NDST3: variants seen among roughly 807,000 people sequenced by gnomAD.
NDST3 encodes N-deacetylase and N-sulfotransferase 3, also known as bifunctional heparan sulfate N-deacetylase/N-sulfotransferase 3.
In NDST3, 58 loss-of-function variants were observed where a neutral mutation model predicts 96.1. The observed-to-expected ratio is 0.60, with a 90% confidence interval of 0.49 to 0.75. NDST3 has a LOEUF of 0.75. Among genes scored for constraint, NDST3 ranks in the 30% least tolerant of loss-of-function variants. The probability of loss-of-function intolerance (pLI) is 0.00; values close to 1 mark genes in which losing one functional copy is unlikely to be tolerated. For synonymous variants in NDST3, 333 were observed against 359.7 expected (o/e 0.93, Z 0.84); for missense variants, 788 against 1,034.2 (o/e 0.76, Z 3.27).
At chr4:118,128,418 G>C (rs1263029346) in intron 4 of NDST3, among the ~76,000 whole-genome samples, 1 of 151,920 alleles carries the variant, frequency 6.6e-6, no homozygotes, top group African/African-American at 2.4e-5. Flanking sequence ...TTTATCAAAT[G>C]CTTTTTCAGC....
At chr4:118,116,259 T>C (rs747594552) in intron 4 of NDST3, among the ~76,000 whole-genome samples, 38 of 152,180 alleles carry the variant, frequency 2.5e-4, no homozygotes, top group Non-Finnish European at 4.4e-4. Flanking sequence ...GGTTTACTTC[T>C]AAATCTGTTG....
intron 3 of NDST3, among the ~76,000 whole-genome samples, chr4:118,109,616 G>A (rs1281272476): frequency 6.6e-6 from 1 of 152,176 alleles, no homozygotes; most frequent in Non-Finnish European, 1.5e-5. Flanking sequence ...TATAATATGA[G>A]AGTTTCCACA....
intron 12 of NDST3, among the ~76,000 whole-genome samples, chr4:118,245,871 G>A (rs1216071008): frequency 6.6e-6 from 1 of 152,010 alleles, no homozygotes; most frequent in Non-Finnish European, 1.5e-5. Context: ...GCACAGGAAA[G>A]TTAAGCCAAA....
At chr4:118,196,729 T>C (rs1231430325) in intron 6 of NDST3, among the ~76,000 whole-genome samples, 3 of 152,004 alleles carry the variant, frequency 2.0e-5, no homozygotes, top group Non-Finnish European at 4.4e-5. Flanking sequence ...TATTTGGATC[T>C]TCTTTTTTTT....
intron 6 of NDST3, among the ~76,000 whole-genome samples, chr4:118,149,070 T>C (rs571518294): frequency 2.6e-5 from 4 of 152,240 alleles, no homozygotes; most frequent in African/African-American, 7.2e-5. Context: ...GTTGTAGATA[T>C]GCAGCATTAT....
chr4:118,051,393 A>G (rs2110441789), intron 1 of NDST3, among the ~76,000 whole-genome samples: 1 of 152,278 alleles, frequency 6.6e-6, no homozygotes, highest in Non-Finnish European at 1.5e-5. Context: ...CAATGAAAAC[A>G]AAAGTTGACT....
intron 1 of NDST3, among the ~76,000 whole-genome samples, chr4:118,038,526 T>C (rs1471244397): frequency 2.6e-5 from 4 of 152,184 alleles, no homozygotes; most frequent in Admixed American, 2.6e-4. Context: ...TCATACTCCA[T>C]GTAAATCAGC....
At chr4:118,232,542 A>C (rs899103705) in intron 8 of NDST3, among the ~76,000 whole-genome samples, 1 of 152,012 alleles carries the variant, frequency 6.6e-6, no homozygotes, top group South Asian at 2.1e-4. Context: ...TGGGAGGCTC[A>C]GACAGGAGGA....
chr4:118,071,752 C>T (rs1011858038), intron 2 of NDST3, among the ~76,000 whole-genome samples: 1 of 152,032 alleles, frequency 6.6e-6, no homozygotes, highest in Non-Finnish European at 1.5e-5. Context: ...TAAGGTAGAA[C>T]AATTTATATT....
intron 6 of NDST3, among the ~76,000 whole-genome samples, chr4:118,170,272 A>C (rs1247918259): frequency 6.6e-6 from 1 of 152,242 alleles, no homozygotes; most frequent in Non-Finnish European, 1.5e-5. Context: ...ATGATACTGA[A>C]TTAATAACCA....
At chr4:118,247,880 T>C (rs2126011030) in intron 12 of NDST3, among the ~76,000 whole-genome samples, 1 of 152,320 alleles carries the variant, frequency 6.6e-6, no homozygotes, top group East Asian at 1.9e-4. Context: ...AATATCTAAA[T>C]GATGGTATTT....
chr4:118,147,813 G>C (rs942006250), intron 6 of NDST3, among the ~76,000 whole-genome samples: 1 of 151,988 alleles, frequency 6.6e-6, no homozygotes, highest in Admixed American at 6.5e-5. Flanking sequence ...TCACTTTTTT[G>C]CTTCAGGGTT....
chr4:118,107,479 T>G (rs144889660), intron 3 of NDST3, among the ~76,000 whole-genome samples: 18 of 152,046 alleles, frequency 1.2e-4, no homozygotes, highest in Admixed American at 1.2e-3. Flanking sequence ...ATAAACCATA[T>G]AGAAAAAGCT....
intron 4 of NDST3, among the ~76,000 whole-genome samples, chr4:118,134,898 C>T (rs1453518999): frequency 6.6e-6 from 1 of 152,142 alleles, no homozygotes; most frequent in African/African-American, 2.4e-5. Context: ...AATGAAAAGA[C>T]TAATTAGAAT....
chr4:118,064,274 C>G (rs1315560409), intron 2 of NDST3, among the ~76,000 whole-genome samples: 1 of 151,960 alleles, frequency 6.6e-6, no homozygotes, highest in Non-Finnish European at 1.5e-5. Context: ...TTAAAGCACA[C>G]AAACAAAATA....
intron 6 of NDST3, among the ~76,000 whole-genome samples, chr4:118,153,234 G>A (rs1734515699): frequency 6.6e-6 from 1 of 152,106 alleles, no homozygotes; most frequent in African/African-American, 2.4e-5. Context: ...GATGGGACCA[G>A]CTAATTTTAT....
intron 6 of NDST3, among the ~76,000 whole-genome samples, chr4:118,168,953 T>C (rs1735737753): frequency 6.6e-6 from 1 of 152,162 alleles, no homozygotes; most frequent in Non-Finnish European, 1.5e-5. Context: ...AGTAGATTTA[T>C]GATTGCCAGG....
intron 2 of NDST3, among the ~76,000 whole-genome samples, chr4:118,060,452 G>A (rs917585444): frequency 1.3e-5 from 2 of 151,940 alleles, no homozygotes; most frequent in Non-Finnish European, 2.9e-5. Context: ...TCTTTGCACT[G>A]TAAATTAGCT....
intron 4 of NDST3, among the ~76,000 whole-genome samples, chr4:118,118,385 C>A (rs1341851596): frequency 6.6e-6 from 1 of 152,120 alleles, no homozygotes; most frequent in Non-Finnish European, 1.5e-5. Flanking sequence ...ATTTAAAGTA[C>A]CCTTCCAGCT....
Sources: allele counts gnomAD v4.1 joint callset (sites outside exome capture counted in the v4.1 genomes callset), GRCh38; gene constraint gnomAD v4.1.1; transcripts MANE v1.5; gene names NCBI Gene and HGNC (gene_info 2026-07-23, HGNC 2026-07-21).